The following SLC45A1 variants were observed in gnomAD, a reference collection of about 807,000 sequenced individuals.
The protein encoded by SLC45A1 is solute carrier family 45 member 1, also known as proton-associated sugar transporter A.
SLC45A1 carries 28 observed loss-of-function variants against 57.6 expected under a neutral mutation model. The ratio of observed to expected loss-of-function variants is 0.49; its 90% CI spans 0.36 to 0.67. The LOEUF is 0.67. Among genes scored for constraint, SLC45A1 ranks in the 30% least tolerant of loss-of-function variants. SLC45A1 has a pLI of 0.00. For synonymous variants in SLC45A1, 459 were observed against 471.5 expected (o/e 0.97, Z 0.34); for missense variants, 814 against 1,041.5 (o/e 0.78, Z 3.01).
chr1:8,321,159 A>G lies in SLC45A1; in HGVS notation c.-25+2973A>G, dbSNP rs371019174. ...AGGTTTTACCATGCAGAAGTGCTTG[A>G]GCTAGGCCAGTGAGGAACATAAATA... On this transcript the variant is annotated intron_variant, in intron 1 of 8. Coordinates refer to ENST00000471889, the MANE Select transcript of SLC45A1 (RefSeq NM_001080397.3). Among the ~76,000 whole-genome samples the G allele has an allele frequency of 2.6e-5, 4 of 152,286 alleles. No homozygotes were observed. The East Asian group carries it at 5.8e-4, about 22-fold the overall frequency.
At position 8,337,906 on chromosome 1, in the gene SLC45A1, C is replaced by G. The variant is rs1050818540; in HGVS notation, c.1688C>G (p.Ser563Ter). Residue 563 changes from serine (S) to a stop codon, truncating the protein, a stop_gained, in exon 7 of 9, where the codon TCA (serine) becomes TGA (stop). Coordinates refer to ENST00000471889, the MANE Select transcript of SLC45A1 (RefSeq NM_001080397.3). LOFTEE classifies it high-confidence loss of function. Reference protein sequence around the residue: ...FQGDPKAPHTSEAYQKYNSGV... With the variant: ...FQGDPKAPHT The stretch of plus-strand genomic sequence containing the variant: ...GGGGACCCCAAGGCCCCGCACACAT[C>G]AGAGGCGTATCAGAAGTACAACAGC... 6.2e-7 allele frequency: 1 copy of G among 1,614,084 alleles called. No homozygotes were observed. The highest frequency in any genetic ancestry group is 8.5e-7 in the Non-Finnish European group (1 of 1,180,006).
In SLC45A1 at chr1:8,330,909, GAGA is replaced by G; in HGVS notation, c.1419_1421del (p.Arg474del). On this transcript the variant is annotated inframe_deletion, in exon 5 of 9. Coordinates refer to ENST00000471889, the MANE Select transcript of SLC45A1 (RefSeq NM_001080397.3). The surrounding 1 kb of genome is among the most constrained non-coding windows in gnomAD (Gnocchi z 8.4). ...GAGGAGGGGGTCCCGAAACCAGCAGGAGAAGGAATGTGACCTTCAGTCAGCAGG... is the reference window on the plus strand; with the variant it reads ...GAGGAGGGGGTCCCGAAACCAGCAGGAGGAATGTGACCTTCAGTCAGCAGG... 1 of 1,598,272 alleles carries G rather than the reference GAGA, an allele frequency of 6.3e-7. No individual in the cohort carries two copies. The highest frequency in any genetic ancestry group is 8.6e-7 in the Non-Finnish European group (1 of 1,169,222).
At chr1:8,332,093 A>G (rs1423861356) in intron 5 of SLC45A1, among the ~76,000 whole-genome samples, 2 of 152,292 alleles carry the variant, frequency 1.3e-5, no homozygotes, top group East Asian at 3.9e-4. Context: ...CGCCCGGCCG[A>G]CAACTCTTTT....
intron 8 of SLC45A1, among the ~76,000 whole-genome samples, chr1:8,340,293 A>C (rs946126564): frequency 6.6e-6 from 1 of 151,452 alleles, no homozygotes; most frequent in East Asian, 1.9e-4. Context: ...CTCCCGAGTA[A>C]CTGGGACTAC....
At chr1:8,342,942 T>A (rs1012436859) in intron 8 of SLC45A1, among the ~76,000 whole-genome samples, 21 of 150,434 alleles carry the variant, frequency 1.4e-4, no homozygotes, top group Non-Finnish European at 2.7e-4. Context: ...AGAAAAGAAA[T>A]GTGACCTGGA....
rs763540623 is a variant in SLC45A1, at chr1:8,337,866, G to A, written c.1648G>A (p.Glu550Lys). 1.2e-5 allele frequency: 20 copies of A among 1,614,248 alleles called. No individual in the cohort carries two copies. In the South Asian group the frequency reaches 1.3e-4, roughly 11 times the overall value. The change falls in exon 7 of 9, where the codon GAG becomes AAG. Residue 550 changes from glutamate to lysine, a missense_variant. Transcript: ENST00000471889. ...MLLFYTDFMG[E>K]VVFQGDPKAP... The stretch of plus-strand genomic sequence containing the variant: ...GCTCTTCTACACAGACTTCATGGGC[G>A]AGGTGGTGTTTCAGGGGGACCCCAA...
intron 8 of SLC45A1, 122 bp downstream of exon 8, chr1:8,339,820 A>G (rs2124325238): frequency 1.1e-6 from 1 of 952,256 alleles, no homozygotes; most frequent in Non-Finnish European, 1.7e-6. Flanking sequence ...GACAGCGACC[A>G]CAGAGCATGA....
intron 1 of SLC45A1, among the ~76,000 whole-genome samples, chr1:8,323,154 T>G (rs1640083192): frequency 6.6e-6 from 1 of 152,120 alleles, no homozygotes; most frequent in African/African-American, 2.4e-5. Context: ...GGCCTTGAAC[T>G]TGCTCTCTCC....
Position 8,325,232 on chromosome 1 carries a change from G to A in SLC45A1, c.398-66G>A. On this transcript the variant is annotated intron_variant, in intron 2 of 8. Transcript: ENST00000471889. This position sits in a 1 kb window ranked among gnomAD's most constrained non-coding sequence, Gnocchi z 6.3. The stretch of plus-strand genomic sequence containing the variant: ...AGAGCAGGCACTTCAGGAATGTGGA[G>A]GCTGATTCGATGTCCCCATGTGCCA... The A allele has an allele frequency of 8.0e-6, 8 of 1,004,224 alleles. No homozygotes were observed. Among genetic ancestry groups the A allele is most frequent in the Non-Finnish European group, 1.3e-5 (8 of 634,502 alleles). 62.2% of individuals were successfully genotyped at this position (1,004,224 alleles called of 1,614,324 possible).
chr1:8,331,265 A>G (rs1239663273), intron 5 of SLC45A1, among the ~76,000 whole-genome samples: 9 of 150,746 alleles, frequency 6.0e-5, no homozygotes, highest in African/African-American at 1.5e-4. Flanking sequence ...ATTTTTAAAA[A>G]ACACTTTTAA....
intron 5 of SLC45A1, among the ~76,000 whole-genome samples, chr1:8,334,741 C>T (rs911080268): frequency 6.6e-6 from 1 of 152,090 alleles, no homozygotes; most frequent in Non-Finnish European, 1.5e-5. Context: ...ATAACAAGCT[C>T]CCCTGACCAG....
intron 1 of SLC45A1, among the ~76,000 whole-genome samples, chr1:8,321,034 G>A (rs1639996820): frequency 6.6e-6 from 1 of 152,162 alleles, no homozygotes; most frequent in Admixed American, 6.5e-5. Flanking sequence ...GTCTTACACA[G>A]TGTTGGAACT....
chr1:8,331,789 G>GACA (rs944583513), intron 5 of SLC45A1, among the ~76,000 whole-genome samples: 11 of 125,160 alleles, frequency 8.8e-5, no homozygotes, highest in African/African-American at 3.4e-4. Context: ...GAGCGACAGT[G>GACA]ACAACTCTTT....
chr1:8,339,185 G>A (rs1017836230), intron 7 of SLC45A1, among the ~76,000 whole-genome samples: 5 of 152,180 alleles, frequency 3.3e-5, no homozygotes, highest in Non-Finnish European at 2.9e-5. Context: ...CCCCTTTGGT[G>A]TCACAGCCCC....
At chr1:8,321,730 C>T (rs535146240) in intron 1 of SLC45A1, among the ~76,000 whole-genome samples, 51 of 150,916 alleles carry the variant, frequency 3.4e-4, no homozygotes, top group African/African-American at 9.3e-4. Context: ...GGTGGAAGAA[C>T]GGGTCGGTGG....
chr1:8,338,281 G>A (rs1325601738), intron 7 of SLC45A1, among the ~76,000 whole-genome samples: 1 of 152,044 alleles, frequency 6.6e-6, no homozygotes, highest in Non-Finnish European at 1.5e-5. Context: ...GGGGGGCCCT[G>A]GGGGAACCCC....
Position 8,330,510 on chromosome 1 carries a change from G to A in SLC45A1, c.1017G>A (p.Ser339=), listed in dbSNP as rs1376993374. 5 of 1,613,054 alleles carry A rather than the reference G, an allele frequency of 3.1e-6. No individual in the cohort carries two copies. Among genetic ancestry groups the A allele is most frequent in the Middle Eastern group, 1.6e-4 (1 of 6,062 alleles). ...CCACCAACTTCTCCAGCCCCATCTCGCCGCCCAGCCCCCTCACGCCCAAGT... is the reference window on the plus strand; with the variant it reads ...CCACCAACTTCTCCAGCCCCATCTCACCGCCCAGCCCCCTCACGCCCAAGT... ...HTATNFSSPI[S]PPSPLTPKYG... is the part of the protein sequence containing the mutation. Residue 339 remains serine (S), a synonymous_variant, in exon 5 of 9, where the codon TCG becomes TCA. Coordinates refer to ENST00000471889, the MANE Select transcript of SLC45A1 (RefSeq NM_001080397.3). This position sits in a 1 kb window ranked among gnomAD's most constrained non-coding sequence, Gnocchi z 8.4.
chr1:8,338,041 TC>T, intron 7 of SLC45A1, 49 bp downstream of exon 7: 1 of 1,560,908 alleles, frequency 6.4e-7, no homozygotes. Flanking sequence ...TTTGGTTGGG[TC>T]CATGGAGCAT....
At position 8,343,639 on chromosome 1, in the gene SLC45A1, G is replaced by A. The variant is rs766630785; in HGVS notation, c.1981-108G>A. The A allele has an allele frequency of 8.9e-6, 11 of 1,240,214 alleles. No homozygotes were observed. The highest frequency in any genetic ancestry group is 1.0e-5 in the Non-Finnish European group (9 of 893,012). The allele number at this position is 1,240,214 out of a possible 1,614,324, so 76.8% of individuals were successfully genotyped here. ...TGTTGGCGCTGAAAAATGTGAGGCC[G>A]CTGTGTGTGGGCCGCTCGGGCCTCC... On this transcript the variant is annotated intron_variant, in intron 8 of 8. Coordinates refer to ENST00000471889, the MANE Select transcript of SLC45A1 (RefSeq NM_001080397.3). This position sits in a 1 kb window ranked among gnomAD's most constrained non-coding sequence, Gnocchi z 7.7.
Sources: allele counts gnomAD v4.1 joint callset (sites outside exome capture counted in the v4.1 genomes callset), GRCh38; gene constraint gnomAD v4.1.1; non-coding constraint Gnocchi (gnomAD v3.1); transcripts MANE v1.5; gene names NCBI Gene and HGNC (gene_info 2026-07-23, HGNC 2026-07-21).